The following RNPC3 variants were observed in gnomAD, a reference collection of about 807,000 sequenced individuals.
RNPC3 encodes the protein RNA-binding region-containing protein 3.
A neutral mutation model predicts 67.5 loss-of-function variants in RNPC3; 48 were observed. That is an observed-to-expected ratio of 0.71 (90% CI 0.56 to 0.90). The LOEUF (loss-of-function observed/expected upper bound fraction) is 0.90. RNPC3 is among the 40% of genes least tolerant of loss of function. The pLI is 0.00. For missense variants in RNPC3, 637 were observed against 626.1 expected (o/e 1.02, Z -0.19); for synonymous variants, 239 against 210.3 (o/e 1.14, Z -1.18).
Position 103,547,025 on chromosome 1 carries a change from C to T in RNPC3, c.1351C>T (p.Gln451Ter), listed in dbSNP as rs774171031. 7 of 1,494,974 alleles carry T rather than the reference C, an allele frequency of 4.7e-6. No individual in the cohort carries two copies. Among genetic ancestry groups the T allele is most frequent in the African/African-American group, 1.4e-5 (1 of 71,708 alleles). The allele number at this position is 1,494,974 out of a possible 1,614,324, so 92.6% of individuals were successfully genotyped here. Reference sequence around the variant, plus strand: ...ATATGTTGACTTTTCATCAGAAACACAGCGGATCATGTAAGTGACAGTAAA... The same window carrying T: ...ATATGTTGACTTTTCATCAGAAACATAGCGGATCATGTAAGTGACAGTAAA... The part of the protein sequence containing the change: ...GRYVDFSSET[Q>*]RIMFDIRLMK... Residue 451 changes from glutamine (Q) to a stop codon, truncating the protein, a stop_gained, in exon 12 of 15, where the codon CAG becomes TAG. Coordinates refer to ENST00000423855, the MANE Select transcript of RNPC3 (RefSeq NM_017619.4). LOFTEE classifies it high-confidence loss of function.
intron 10 of RNPC3, 48 bp from the exon 11 acceptor site, chr1:103,546,196 ACTTG>A: frequency 5.8e-6 from 5 of 864,342 alleles, no homozygotes; most frequent in Non-Finnish European, 4.9e-6. Context: ...ATCTTTAAAA[ACTTG>A]CTTAAAATAT....
chr1:103,549,033 C>T (rs1471474052), intron 12 of RNPC3, among the ~76,000 whole-genome samples: 2 of 152,128 alleles, frequency 1.3e-5, no homozygotes, highest in African/African-American at 4.8e-5. Context: ...AAGACCCACC[C>T]CTATAATTCA....
At chr1:103,529,289 T>C (rs566278917) in intron 2 of RNPC3, among the ~76,000 whole-genome samples, 12 of 152,286 alleles carry the variant, frequency 7.9e-5, no homozygotes, top group African/African-American at 2.9e-4. Context: ...TTTTTAAAAA[T>C]ATATCATAAT....
chr1:103,546,093 G>A, intron 10 of RNPC3, 155 bp from the exon 11 acceptor site: 2 of 393,554 alleles, frequency 5.1e-6, no homozygotes, highest in Non-Finnish European at 9.0e-6. Context: ...ATATGAAAAT[G>A]AACTAATTTT....
Position 103,536,193 on chromosome 1 carries a change from T to C in RNPC3, c.623T>C (p.Met208Thr). 2.0e-6 allele frequency: 3 copies of C among 1,534,806 alleles called. No homozygotes were observed. The highest frequency in any genetic ancestry group is 2.6e-6 in the Non-Finnish European group (3 of 1,144,876). ...PFGPITARPP[M>T]YEDYMPLHAP... ...GGACCAATTACTGCGCGACCTCCCA[T>C]GGTAAGAAAACTCTTAGAATTTTCA... The change falls in exon 6 of 15, where the codon ATG becomes ACG. Residue 208 changes from methionine to threonine, a missense_variant and splice_region_variant. This residue lies in a region of RNPC3 where 536 missense variants were observed against 500.3 expected (regional missense o/e 1.07). Transcript: ENST00000423855.
intron 7 of RNPC3, among the ~76,000 whole-genome samples, chr1:103,540,451 T>C (rs990990457): frequency 6.6e-6 from 1 of 152,224 alleles, no homozygotes; most frequent in African/African-American, 2.4e-5. Context: ...CCTAGCACTC[T>C]TGTAGAGGCT....
chr1:103,527,817 T>G, intron 2 of RNPC3, 75 bp downstream of exon 2: 1 of 1,115,188 alleles, frequency 9.0e-7, no homozygotes, highest in Non-Finnish European at 1.3e-6. Flanking sequence ...AATGTTTAAC[T>G]GTGGTTTTTA....
chr1:103,543,825 T>C (rs1570623379), intron 9 of RNPC3, among the ~76,000 whole-genome samples: 2 of 151,882 alleles, frequency 1.3e-5, no homozygotes, highest in East Asian at 3.9e-4. Flanking sequence ...AATGTGACTA[T>C]TTTGTGAGTT....
chr1:103,544,138 G>A (rs1651188829), intron 9 of RNPC3, among the ~76,000 whole-genome samples: 1 of 151,628 alleles, frequency 6.6e-6, no homozygotes, highest in Non-Finnish European at 1.5e-5. Flanking sequence ...AATACTGTTA[G>A]CAATTTGGTA....
At chr1:103,531,010 C>T (rs1650836520) in intron 2 of RNPC3, among the ~76,000 whole-genome samples, 1 of 152,162 alleles carries the variant, frequency 6.6e-6, no homozygotes, top group African/African-American at 2.4e-5. Context: ...AACACTTTCT[C>T]CTGAGTCCTC....
At chr1:103,536,062 C>A in intron 5 of RNPC3, 64 bp from the exon 6 acceptor site, 1 of 1,220,152 alleles carries the variant, frequency 8.2e-7, no homozygotes, top group Non-Finnish European at 1.2e-6. Flanking sequence ...TTTCTTAGTA[C>A]ATAAAATACA....
chr1:103,537,815 A>G (rs2101046428), intron 7 of RNPC3, among the ~76,000 whole-genome samples: 1 of 152,114 alleles, frequency 6.6e-6, no homozygotes, highest in South Asian at 2.1e-4. Context: ...TTCAAAATCA[A>G]TAATCGACGT....
chr1:103,546,649 T>C, intron 11 of RNPC3: 2 of 321,100 alleles, frequency 6.2e-6, no homozygotes, highest in Non-Finnish European at 1.1e-5. Context: ...AAGTCAAAAG[T>C]GTGGCAGGAT....
At chr1:103,526,502 G>C (rs1430913796) in intron 1 of RNPC3, among the ~76,000 whole-genome samples, 1 of 152,180 alleles carries the variant, frequency 6.6e-6, no homozygotes, top group Non-Finnish European at 1.5e-5. Context: ...CAAAGCAGAA[G>C]AATGGAAATT....
chr1:103,536,957 G>C (rs1651001492), intron 6 of RNPC3, among the ~76,000 whole-genome samples: 1 of 152,092 alleles, frequency 6.6e-6, no homozygotes. Context: ...TTGTTCTACT[G>C]AGCCACGAAA....
rs747142742 is a variant in RNPC3 at position 103,526,291 on chromosome 1, G to A, written c.192+29G>A. On this transcript the variant is annotated intron_variant, in intron 1 of 14. Transcript: ENST00000423855. ...AGGGCGCGCCCCTCCGGAGTCTCCC[G>A]GGAAGGCATTTGGGAAGTGACCGGG... The A allele has an allele frequency of 2.7e-6, 4 of 1,498,644 alleles. No homozygotes were observed. In the South Asian group the frequency reaches 5.0e-5, roughly 19 times the overall value. 92.8% of individuals were successfully genotyped at this position (1,498,644 alleles called of 1,614,324 possible). A position where few individuals can be genotyped will look rare whatever the true frequency, so the allele number is the denominator to read the frequency against.
chr1:103,537,607 C>A, intron 7 of RNPC3, 123 bp downstream of exon 7: 1 of 714,508 alleles, frequency 1.4e-6, no homozygotes, highest in Non-Finnish European at 2.2e-6. Flanking sequence ...AATTTGTCCT[C>A]AGCCCCCCAG....
intron 7 of RNPC3, among the ~76,000 whole-genome samples, chr1:103,538,082 T>G (rs965649865): frequency 6.6e-6 from 1 of 152,036 alleles, no homozygotes; most frequent in African/African-American, 2.4e-5. Flanking sequence ...CAACCTCAGG[T>G]GATCCGCCTG....
chr1:103,541,276 G>A (rs977319095), intron 7 of RNPC3, 74 bp from the exon 8 acceptor site: 41 of 1,098,168 alleles, frequency 3.7e-5, no homozygotes, highest in South Asian at 2.5e-4. Flanking sequence ...CAAATTTAAC[G>A]TTAATAGAAA....
Sources: allele counts gnomAD v4.1 joint callset (sites outside exome capture counted in the v4.1 genomes callset), GRCh38; gene constraint gnomAD v4.1.1; regional missense constraint gnomAD v4.1.1; transcripts MANE v1.5; gene names NCBI Gene and HGNC (gene_info 2026-07-23, HGNC 2026-07-21).